BMPR1A: variants seen among roughly 807,000 people sequenced by gnomAD.
BMPR1A encodes bone morphogenetic protein receptor type 1A, also known as bone morphogenetic protein receptor type-1A.
Under a neutral mutation model 66.0 loss-of-function variants are expected in BMPR1A, and 7 were observed. That is an observed-to-expected ratio of 0.11 (90% CI 0.06 to 0.20). The LOEUF is 0.20. Ranked by LOEUF, BMPR1A falls within the 10% of genes least tolerant of loss-of-function variation. The pLI, the probability that BMPR1A is intolerant of heterozygous loss-of-function variation, is 1.00. For synonymous variants in BMPR1A, 200 were observed against 229.7 expected (o/e 0.87, Z 1.17); for missense variants, 408 against 669.1 (o/e 0.61, Z 4.31).
intron 1 of BMPR1A, among the ~76,000 whole-genome samples, chr10:86,811,319 G>A (rs746014650): frequency 5.1e-4 from 78 of 152,266 alleles, no homozygotes; most frequent in Non-Finnish European, 9.4e-4. Flanking sequence ...GATTACAGGC[G>A]TGAGCCACCA....
Position 86,924,803 on chromosome 10 carries a change from T to C in BMPR1A, c.*1084T>C, listed in dbSNP as rs533962494. The stretch of plus-strand genomic sequence containing the variant: ...CATTCATACTGTAGAAACCAGCTCA[T>C]GTGTACCTCATATCCCATCCTTAAG... On this transcript the variant is annotated 3_prime_UTR_variant, in exon 13 of 13. Transcript: ENST00000372037. The C allele has an allele frequency of 4.3e-6, 1 of 232,742 alleles. No homozygotes were observed. Among genetic ancestry groups the C allele is most frequent in the South Asian group, 1.8e-4 (1 of 5,532 alleles). 14.4% of individuals were successfully genotyped at this position (232,742 alleles called of 1,614,324 possible).
rs142443816 is a variant in BMPR1A, at chr10:86,856,418, G to A, written c.-153+17439G>A. Among the ~76,000 whole-genome samples, 524 of 152,290 alleles carry A rather than the reference G, an allele frequency of 3.4e-3. 2 individuals are homozygous for A. The highest frequency in any genetic ancestry group is 0.012 in the African/African-American group (487 of 41,564). ...GGCACCATCTCCCTACCTGGCCCAC[G>A]TTATCTTAAGGGTGAATTCTTTTAA... is the stretch of plus-strand genomic sequence containing the variant. On this transcript the variant is annotated intron_variant, in intron 2 of 12. Transcript: ENST00000372037.
At chr10:86,843,981 G>A (rs1842454086) in intron 2 of BMPR1A, among the ~76,000 whole-genome samples, 1 of 152,148 alleles carries the variant, frequency 6.6e-6, no homozygotes. Flanking sequence ...AAGGGACACC[G>A]ATGTGTGACT....
chr10:86,834,887 A>C (rs181504488), intron 1 of BMPR1A, among the ~76,000 whole-genome samples: 1 of 152,082 alleles, frequency 6.6e-6, no homozygotes, highest in African/African-American at 2.4e-5. Flanking sequence ...TAATGGTCCT[A>C]TGAATGCAAC....
intron 1 of BMPR1A, among the ~76,000 whole-genome samples, chr10:86,787,891 C>CA (rs1554878526): frequency 2.6e-3 from 394 of 152,046 alleles, no homozygotes; most frequent in Non-Finnish European, 4.7e-3. Flanking sequence ...TGCCCCCCCC[C>CA]ATAATCCAAT....
intron 3 of BMPR1A, among the ~76,000 whole-genome samples, chr10:86,883,326 G>A (rs553164477): frequency 1.9e-4 from 29 of 151,806 alleles, no homozygotes; most frequent in African/African-American, 5.8e-4. Flanking sequence ...CGAGGTGGGC[G>A]GATCATGAGG....
intron 2 of BMPR1A, among the ~76,000 whole-genome samples, chr10:86,844,304 T>C (rs1842457624): frequency 6.6e-6 from 1 of 152,224 alleles, no homozygotes; most frequent in South Asian, 2.1e-4. Flanking sequence ...GCTATCATGT[T>C]AAATGCTATG....
intron 1 of BMPR1A, among the ~76,000 whole-genome samples, chr10:86,828,794 A>AT (rs76545175): frequency 0.22 from 33,224 of 152,004 alleles, 4,717 homozygotes; most frequent in East Asian, 0.64. Context: ...ATAAAAAAAA[A>AT]ATATATATAC....
chr10:86,865,507 T>A (rs770721527), intron 2 of BMPR1A, among the ~76,000 whole-genome samples: 1 of 152,230 alleles, frequency 6.6e-6, no homozygotes, highest in Non-Finnish European at 1.5e-5. Context: ...GCTGACTCTC[T>A]TTTAGGACTC....
rs1033134203 is a variant in BMPR1A, at chr10:86,797,623, C to T, written c.-268+40704C>T. On this transcript the variant is annotated intron_variant, in intron 1 of 12. Coordinates refer to ENST00000372037, the MANE Select transcript of BMPR1A (RefSeq NM_004329.3). Reference sequence around the variant, plus strand: ...TCAAGTGATCCGCCCACCTCAGCCTCCCAAAGTGCTGGGGATTACAGGCGT... The same window carrying T: ...TCAAGTGATCCGCCCACCTCAGCCTTCCAAAGTGCTGGGGATTACAGGCGT... Among the ~76,000 whole-genome samples the T allele has an allele frequency of 4.6e-5, 7 of 152,182 alleles. No individual in the cohort carries two copies. The East Asian group carries it at 1.4e-3, about 29-fold the overall frequency.
chr10:86,769,943 C>T (rs1466044060), intron 1 of BMPR1A, among the ~76,000 whole-genome samples: 2 of 152,074 alleles, frequency 1.3e-5, no homozygotes, highest in African/African-American at 4.8e-5. Flanking sequence ...TAACCAGGCA[C>T]CAGCCTTCTT....
intron 1 of BMPR1A, among the ~76,000 whole-genome samples, chr10:86,786,968 G>A (rs1039957964): frequency 1.3e-5 from 2 of 151,968 alleles, no homozygotes; most frequent in South Asian, 2.1e-4. Context: ...TTAATCAGGC[G>A]GCTAGCTAGT....
At chr10:86,765,483 C>CAAAAA (rs34219531) in intron 1 of BMPR1A, among the ~76,000 whole-genome samples, 5 of 70,642 alleles carry the variant, frequency 7.1e-5, no homozygotes, top group Admixed American at 1.7e-4. Flanking sequence ...GACTCTGTCT[C>CAAAAA]AAAAAAAAAA....
chr10:86,886,592 C>A (rs1275173447), intron 3 of BMPR1A, among the ~76,000 whole-genome samples: 2 of 152,260 alleles, frequency 1.3e-5, no homozygotes, highest in African/African-American at 4.8e-5. Flanking sequence ...CAGGTCATGG[C>A]TAGAGGGGGT....
intron 1 of BMPR1A, among the ~76,000 whole-genome samples, chr10:86,813,114 T>C (rs1436291006): frequency 1.3e-5 from 2 of 152,214 alleles, no homozygotes; most frequent in East Asian, 3.8e-4. Context: ...TGATTTTCTT[T>C]CCTTTTTGTT....
chr10:86,883,898 C>T (rs1239361623), intron 3 of BMPR1A, among the ~76,000 whole-genome samples: 5 of 144,632 alleles, frequency 3.5e-5, no homozygotes, highest in Non-Finnish European at 6.0e-5. Flanking sequence ...CTATTTGAGA[C>T]GAGTCTTGCT....
intron 2 of BMPR1A, among the ~76,000 whole-genome samples, chr10:86,868,215 C>T (rs1842808624): frequency 6.6e-6 from 1 of 152,238 alleles, no homozygotes; most frequent in Admixed American, 6.5e-5. Flanking sequence ...GACACCAAGG[C>T]AGGCATTTCG....
At chr10:86,777,592 AAAG>A (rs931337630) in intron 1 of BMPR1A, among the ~76,000 whole-genome samples, 2 of 152,140 alleles carry the variant, frequency 1.3e-5, no homozygotes, top group African/African-American at 4.8e-5. Context: ...AAGAAAAAAA[AAAG>A]AACATGTATT....
intron 1 of BMPR1A, among the ~76,000 whole-genome samples, chr10:86,772,352 G>C (rs1219477406): frequency 6.6e-6 from 1 of 151,596 alleles, no homozygotes; most frequent in East Asian, 2.0e-4. Context: ...GGATGGTCTC[G>C]ATCTCCTGAC....
Sources: allele counts gnomAD v4.1 joint callset (sites outside exome capture counted in the v4.1 genomes callset), GRCh38; gene constraint gnomAD v4.1.1; transcripts MANE v1.5; gene names NCBI Gene and HGNC (gene_info 2026-07-23, HGNC 2026-07-21).